ROBO2: variants seen among roughly 807,000 people sequenced by gnomAD.
ROBO2 encodes roundabout homolog 2.
In ROBO2, 53 loss-of-function variants were observed where a neutral mutation model predicts 160.8. The ratio of observed to expected loss-of-function variants is 0.33; its 90% CI spans 0.26 to 0.41. ROBO2 has a LOEUF of 0.41. Among genes scored for constraint, ROBO2 ranks in the 10% least tolerant of loss-of-function variants. The probability of loss-of-function intolerance (pLI) is 1.00; values close to 1 mark genes in which losing one functional copy is unlikely to be tolerated. For synonymous variants in ROBO2, 664 were observed against 611.7 expected (o/e 1.09, Z -1.26); for missense variants, 1,577 against 1,722.4 (o/e 0.92, Z 1.49).
intron 6 of ROBO2, 147 bp from the exon 8 acceptor site, chr3:77,546,191 G>A (rs960827508): frequency 1.1e-6 from 1 of 891,126 alleles, no homozygotes; most frequent in African/African-American, 1.7e-5. Context: ...CTTTCTTTTT[G>A]TGTTTTGAGA....
At chr3:76,641,262 C>A (rs1312307781) in intron 2 of ROBO2, among the ~76,000 whole-genome samples, 1 of 152,104 alleles carries the variant, frequency 6.6e-6, no homozygotes, top group Non-Finnish European at 1.5e-5. Flanking sequence ...GCCTGTATCA[C>A]CCTAGCCATG....
intron 2 of ROBO2, among the ~76,000 whole-genome samples, chr3:76,440,800 A>C (rs894170471): frequency 6.6e-6 from 1 of 152,058 alleles, no homozygotes; most frequent in Admixed American, 6.6e-5. Context: ...TTTAAGGAAA[A>C]CAGTCTTTCA....
chr3:76,155,400 A>G (rs185634490), intron 2 of ROBO2, among the ~76,000 whole-genome samples: 1 of 152,300 alleles, frequency 6.6e-6, no homozygotes, highest in East Asian at 1.9e-4. Context: ...ACTATGAAAA[A>G]TGCTACTGGA....
chr3:77,164,739 C>T (rs1444748569), intron 2 of ROBO2, among the ~76,000 whole-genome samples: 5 of 79,794 alleles, frequency 6.3e-5, no homozygotes, highest in African/African-American at 2.1e-4. Context: ...CCCGGCCAGC[C>T]ACCCCGTCCG....
At chr3:77,147,156 C>T (rs914163887) in intron 2 of ROBO2, among the ~76,000 whole-genome samples, 2 of 152,198 alleles carry the variant, frequency 1.3e-5, no homozygotes, top group Non-Finnish European at 2.9e-5. Flanking sequence ...TTAGGTTTAG[C>T]AAATGCTCAT....
chr3:75,985,844 C>G (rs918501182), intron 2 of ROBO2, among the ~76,000 whole-genome samples: 1 of 151,568 alleles, frequency 6.6e-6, no homozygotes, highest in Admixed American at 6.6e-5. Context: ...ATAATGACCT[C>G]AATTTCATCC....
At chr3:76,779,651 T>G (rs1264881530) in intron 2 of ROBO2, among the ~76,000 whole-genome samples, 1 of 151,056 alleles carries the variant, frequency 6.6e-6, no homozygotes, top group African/African-American at 2.4e-5. Context: ...GTCCTCAGGG[T>G]TCATGAGATA....
At chr3:76,347,033 G>A (rs2074574285) in intron 2 of ROBO2, among the ~76,000 whole-genome samples, 2 of 151,986 alleles carry the variant, frequency 1.3e-5, no homozygotes, top group Admixed American at 6.6e-5. Flanking sequence ...AACACCTAAG[G>A]AGAAATACCA....
intron 2 of ROBO2, among the ~76,000 whole-genome samples, chr3:76,145,547 A>C (rs2106796028): frequency 6.6e-6 from 1 of 152,172 alleles, no homozygotes; most frequent in South Asian, 2.1e-4. Flanking sequence ...ATGTATGTAA[A>C]AGAGAAATTA....
intron 9 of ROBO2, among the ~76,000 whole-genome samples, chr3:77,559,378 C>T (rs2093245265): frequency 6.6e-6 from 1 of 152,048 alleles, no homozygotes; most frequent in Non-Finnish European, 1.5e-5. Flanking sequence ...AAGTCCCTTC[C>T]TCCTACCTGC....
intron 2 of ROBO2, among the ~76,000 whole-genome samples, chr3:77,211,687 C>T (rs1184495260): frequency 6.6e-6 from 1 of 152,148 alleles, no homozygotes; most frequent in African/African-American, 2.4e-5. Flanking sequence ...AGGTTTTCTT[C>T]TAGGGTTTTT....
chr3:76,767,267 C>T (rs2061625611), intron 2 of ROBO2, among the ~76,000 whole-genome samples: 1 of 151,546 alleles, frequency 6.6e-6, no homozygotes, highest in African/African-American at 2.4e-5. Flanking sequence ...ATGACTTTTA[C>T]AATTTATTGC....
chr3:76,890,235 C>G (rs2074243881), intron 2 of ROBO2, among the ~76,000 whole-genome samples: 1 of 151,754 alleles, frequency 6.6e-6, no homozygotes, highest in African/African-American at 2.4e-5. Flanking sequence ...TGCTATTTAA[C>G]AGTCCAATAA....
chr3:77,266,258 A>G (rs2059117544), intron 2 of ROBO2, among the ~76,000 whole-genome samples: 1 of 151,194 alleles, frequency 6.6e-6, no homozygotes, highest in African/African-American at 2.4e-5. Context: ...TTCTCTATTC[A>G]GTGCTCTAAG....
chr3:76,512,334 A>C (rs1366655460), intron 2 of ROBO2, among the ~76,000 whole-genome samples: 1 of 149,208 alleles, frequency 6.7e-6, no homozygotes, highest in Non-Finnish European at 1.5e-5. Flanking sequence ...ATATATATAT[A>C]TATAGTGTAC....
intron 2 of ROBO2, among the ~76,000 whole-genome samples, chr3:76,746,884 T>C (rs2093902080): frequency 6.6e-6 from 1 of 152,150 alleles, no homozygotes; most frequent in Admixed American, 6.6e-5. Context: ...TTCCCACTTA[T>C]AAGTGAGAAC....
upstream of ROBO2, among the ~76,000 whole-genome samples, chr3:77,037,524 C>A (rs905981881): frequency 1.3e-5 from 2 of 152,108 alleles, no homozygotes; most frequent in African/African-American, 2.4e-5. Flanking sequence ...ATACAAAGCT[C>A]TTCTCTGTAT....
chr3:76,151,165 C>T (rs901809894), intron 2 of ROBO2, among the ~76,000 whole-genome samples: 1 of 152,022 alleles, frequency 6.6e-6, no homozygotes, highest in East Asian at 1.9e-4. Context: ...TTCTTGAGGC[C>T]CTCATTCATA....
chr3:77,275,907 C>G (rs1294941438), intron 2 of ROBO2, among the ~76,000 whole-genome samples: 3 of 152,052 alleles, frequency 2.0e-5, no homozygotes, highest in African/African-American at 7.2e-5. Context: ...GAATCTTTAC[C>G]TTTGTCTACA....
Sources: gnomAD v4.1 joint callset for allele counts (sites outside exome capture counted in the v4.1 genomes callset) on GRCh38, gnomAD v4.1.1 for gene constraint, MANE v1.5 for transcripts, NCBI Gene and HGNC (gene_info 2026-07-23, HGNC 2026-07-21) for gene names.